Variants in BEAN1 observed in about 807,000 individuals in gnomAD.
The protein encoded by BEAN1 is brain expressed associated with NEDD4 1, also known as protein BEAN1.
A neutral mutation model predicts 17.7 loss-of-function variants in BEAN1; 17 were observed. The ratio of observed to expected loss-of-function variants is 0.96; its 90% CI spans 0.66 to 1.44. BEAN1 has a LOEUF of 1.44. BEAN1 is among the 40% of genes most tolerant of loss of function. BEAN1 has a pLI of 0.00. For missense variants in BEAN1, 359 were observed against 374.1 expected, an observed-to-expected ratio of 0.96 and a Z score of 0.33; for synonymous variants, 142 against 151.8, an observed-to-expected ratio of 0.94 and a Z score of 0.47.
intron 4 of BEAN1, among the ~76,000 whole-genome samples, chr16:66,491,463 C>T (rs1441967736): frequency 6.6e-6 from 1 of 152,214 alleles, no homozygotes; most frequent in Non-Finnish European, 1.5e-5. Flanking sequence ...GCATGCCCAT[C>T]ATATCCATTG....
chr16:66,452,920 C>A (rs1294512721), intron 2 of BEAN1, among the ~76,000 whole-genome samples: 1 of 152,098 alleles, frequency 6.6e-6, no homozygotes, highest in Non-Finnish European at 1.5e-5. Context: ...TCTCCCTCCC[C>A]CCAACTAAAA....
chr16:66,480,535 A>G, intron 4 of BEAN1, 51 bp from the exon 5 acceptor site: 1 of 1,395,502 alleles, frequency 7.2e-7, no homozygotes, highest in African/African-American at 1.4e-5. Context: ...TTTGGGAGAG[A>G]CCCAGCCCTA....
rs1326349419 is a variant in BEAN1, at chr16:66,469,567, G to T, written c.26-35G>T. Reference sequence around the variant, plus strand: ...AGAAGGAAGGGGTGTGGCAGGCCTGGGCTCCAGCTCAGTGTCCTCTCTCTC... The same window carrying T: ...AGAAGGAAGGGGTGTGGCAGGCCTGTGCTCCAGCTCAGTGTCCTCTCTCTC... On this transcript the variant is annotated intron_variant, in intron 2 of 4. Coordinates refer to ENST00000536005, the MANE Select transcript of BEAN1 (RefSeq NM_001178020.3). 3.3e-6 allele frequency: 5 copies of T among 1,517,112 alleles called. No individual in the cohort carries two copies. In the African/African-American group the frequency reaches 5.5e-5, roughly 17 times the overall value. The allele number at this position is 1,517,112 out of a possible 1,614,324, so 94.0% of individuals were successfully genotyped here.
At chr16:66,459,307 CTCTT>C (rs754704395) in intron 2 of BEAN1, among the ~76,000 whole-genome samples, 14 of 152,246 alleles carry the variant, frequency 9.2e-5, no homozygotes, top group African/African-American at 3.1e-4. Flanking sequence ...AAAGGACAAT[CTCTT>C]TCTCTTTTTT....
chr16:66,465,976 C>A (rs1031915988), intron 2 of BEAN1, among the ~76,000 whole-genome samples: 1 of 150,920 alleles, frequency 6.6e-6, no homozygotes, highest in African/African-American at 2.5e-5. Flanking sequence ...CCACACCTGG[C>A]TAACTTTTTG....
intron 4 of BEAN1, among the ~76,000 whole-genome samples, chr16:66,489,033 G>A (rs193204807): frequency 2.9e-4 from 44 of 152,136 alleles, no homozygotes; most frequent in African/African-American, 7.5e-4. Flanking sequence ...TTAGCTGGGC[G>A]TGGTGGCGGG....
intron 2 of BEAN1, among the ~76,000 whole-genome samples, chr16:66,467,655 C>A (rs1250217828): frequency 6.6e-6 from 1 of 152,176 alleles, no homozygotes; most frequent in Non-Finnish European, 1.5e-5. Context: ...GTCTCCACAC[C>A]CCACATTCTC....
chr16:66,483,516 T>A (rs969436026), downstream of BEAN1: 4 of 152,608 alleles, frequency 2.6e-5, no homozygotes, highest in African/African-American at 9.6e-5. Context: ...AATGAGCTGT[T>A]GTCTCACCCT....
At position 66,493,328 on chromosome 16, in the gene BEAN1, G is replaced by A. The variant is rs139137875; in HGVS notation, c.514G>A (p.Glu172Lys). 1.5e-3 allele frequency: 1,028 copies of A among 692,024 alleles called. 9 individuals carry two copies. Among genetic ancestry groups the A allele is most frequent in the African/African-American group, 0.015 (843 of 57,044 alleles). The allele number at this position is 692,024 out of a possible 1,614,324, so 42.9% of individuals were successfully genotyped here. ...AGGTCCCTCAGAAGGGGTGGGGTCCGAGACGGCCCTGGCAGAGGGCACTGC... is the reference window on the plus strand; with the variant it reads ...AGGTCCCTCAGAAGGGGTGGGGTCCAAGACGGCCCTGGCAGAGGGCACTGC... The change falls in exon 5 of 5, where the codon GAG becomes AAG. Residue 172 changes from glutamate (E) to lysine (K), a missense_variant. Glu to Lys is a moderately conservative substitution (Grantham distance 56). Coordinates refer to the BEAN1 transcript ENST00000561796.
chr16:66,455,926 A>T (rs150262527), intron 2 of BEAN1, among the ~76,000 whole-genome samples: 231 of 152,330 alleles, frequency 1.5e-3, no homozygotes, highest in Admixed American at 2.4e-3. Context: ...CGCTCAAGCA[A>T]TCCGCCCACC....
chr16:66,469,207 T>C (rs1007724452), intron 2 of BEAN1, among the ~76,000 whole-genome samples: 1 of 152,198 alleles, frequency 6.6e-6, no homozygotes, highest in Non-Finnish European at 1.5e-5. Context: ...TCCTAAGACA[T>C]TGGTAAAATC....
At chr16:66,456,616 G>A (rs1323433302) in intron 2 of BEAN1, among the ~76,000 whole-genome samples, 1 of 152,204 alleles carries the variant, frequency 6.6e-6, no homozygotes, top group African/African-American at 2.4e-5. Context: ...CTTGGTGTGG[G>A]TTCAAGTGGA....
chr16:66,454,533 A>C (rs1465427590), intron 2 of BEAN1, among the ~76,000 whole-genome samples: 1 of 152,168 alleles, frequency 6.6e-6, no homozygotes, highest in African/African-American at 2.4e-5. Flanking sequence ...TTTGCCTGAT[A>C]TCAGCATAAC....
chr16:66,445,475 C>CAAAAAAAAAAAAAA (rs61540693), intron 2 of BEAN1, among the ~76,000 whole-genome samples: 7 of 49,326 alleles, frequency 1.4e-4, no homozygotes, highest in Admixed American at 3.4e-4. Flanking sequence ...GACTCCGTCT[C>CAAAAAAAAAAAAAA]AAAAAAAAAA....
chr16:66,453,860 A>C (rs1263111038), intron 2 of BEAN1, among the ~76,000 whole-genome samples: 1 of 152,090 alleles, frequency 6.6e-6, no homozygotes, highest in African/African-American at 2.4e-5. Flanking sequence ...CAACCTCCCA[A>C]GTAGCTGGGA....
At chr16:66,459,050 T>A (rs1962981785) in intron 2 of BEAN1, among the ~76,000 whole-genome samples, 1 of 152,236 alleles carries the variant, frequency 6.6e-6, no homozygotes, top group African/African-American at 2.4e-5. Context: ...AGGAACTCCC[T>A]GCAGTGTCAT....
At position 66,473,728 on chromosome 16, in the gene BEAN1, TAATA is replaced by T. The variant is rs944450046; in HGVS notation, c.290-3825_290-3822del. ...AATAAATAAATAAATAAATAATAAA[TAATA>T]AATAAAGAGGGAGGGGCAGTGTACC... On this transcript the variant is annotated intron_variant, in intron 3 of 4. Coordinates refer to ENST00000536005, the MANE Select transcript of BEAN1 (RefSeq NM_001178020.3). This position sits in a 1 kb window ranked among gnomAD's most constrained non-coding sequence, Gnocchi z 4.5. Among the ~76,000 whole-genome samples the T allele has an allele frequency of 3.3e-4, 50 of 151,840 alleles. No individual in the cohort carries two copies. Among genetic ancestry groups the T allele is most frequent in the Non-Finnish European group, 5.7e-4 (39 of 67,918 alleles).
Position 66,480,755 on chromosome 16 carries a change from G to A in BEAN1, c.610G>A (p.Gly204Ser). 6.4e-7 allele frequency: 1 copy of A among 1,551,508 alleles called. No homozygotes were observed. The highest frequency in any genetic ancestry group is 1.4e-5 in the African/African-American group (1 of 73,176). Residue 204 changes from glycine (G) to serine (S), a missense_variant, in exon 5 of 5, where the codon GGC becomes AGC. Gly to Ser is a moderately conservative substitution (Grantham distance 56). Coordinates refer to ENST00000536005, the MANE Select transcript of BEAN1 (RefSeq NM_001178020.3). ...QQEQRTPAQG[G>S]LHTVSMDTLP... ...GGAGCAGAGGACCCCGGCCCAAGGT[G>A]GCCTTCACACGGTCTCCATGGACAC...
At chr16:66,448,557 C>T (rs1470160528) in intron 2 of BEAN1, among the ~76,000 whole-genome samples, 1 of 152,326 alleles carries the variant, frequency 6.6e-6, no homozygotes, top group Non-Finnish European at 1.5e-5. Flanking sequence ...TGCGGTGGCT[C>T]ACACCTGTAA....
Sources: allele counts gnomAD v4.1 joint callset (sites outside exome capture counted in the v4.1 genomes callset), GRCh38; gene constraint gnomAD v4.1.1; non-coding constraint Gnocchi (gnomAD v3.1); transcripts MANE v1.5; gene names NCBI Gene and HGNC (gene_info 2026-07-23, HGNC 2026-07-21).